The following FAM171B variants were observed in gnomAD, a reference collection of about 807,000 sequenced individuals.
The protein encoded by FAM171B is protein FAM171B.
Under a neutral mutation model 75.6 loss-of-function variants are expected in FAM171B, and 19 were observed. The ratio of observed to expected loss-of-function variants is 0.25; its 90% CI spans 0.18 to 0.37. FAM171B has a LOEUF of 0.37. Among genes scored for constraint, FAM171B ranks in the 10% least tolerant of loss-of-function variants. FAM171B has a pLI of 1.00. For missense variants in FAM171B, 848 were observed against 982.4 expected, an observed-to-expected ratio of 0.86 and a Z score of 1.83; for synonymous variants, 367 against 361.7, an observed-to-expected ratio of 1.01 and a Z score of -0.17.
chr2:186,694,790 C>CACAT (rs1689555996), intron 1 of FAM171B, among the ~76,000 whole-genome samples: 1 of 137,470 alleles, frequency 7.3e-6, no homozygotes, highest in Non-Finnish European at 1.6e-5. Flanking sequence ...CACACACACA[C>CACAT]ACACCGTTCT....
Position 186,747,244 on chromosome 2 carries a change from A to G in FAM171B, c.718A>G (p.Lys240Glu), listed in dbSNP as rs779053866. 1 of 1,582,684 alleles carries G rather than the reference A, an allele frequency of 6.3e-7. No homozygotes were observed. The highest frequency in any genetic ancestry group is 8.6e-7 in the Non-Finnish European group (1 of 1,168,972). ...GCATACAACTGGAATTACTCTCAAT[A>G]AACCAGGTATTATCTACTTTTTGTA... is the stretch of plus-strand genomic sequence containing the variant. ...FLHTTGITLN[K>E]PGFENIELTP... Residue 240 changes from lysine (K) to glutamate (E), a missense_variant, in exon 4 of 8, where the codon AAA becomes GAA. Physicochemically the swap from Lys to Glu is moderately conservative, Grantham distance 56. This residue lies in a region of FAM171B where 665 missense variants were observed against 729.0 expected (regional missense o/e 0.91). Transcript: ENST00000304698.
intron 1 of FAM171B, among the ~76,000 whole-genome samples, chr2:186,714,280 A>AT (rs1203016814): frequency 1.3e-5 from 2 of 152,160 alleles, no homozygotes; most frequent in African/African-American, 2.4e-5. Context: ...GTTCTGTGAA[A>AT]TTTGAGGCTG....
At chr2:186,736,554 G>GTA (rs1483690389) in intron 1 of FAM171B, among the ~76,000 whole-genome samples, 1 of 125,070 alleles carries the variant, frequency 8.0e-6, no homozygotes, top group African/African-American at 2.9e-5. Context: ...GTGTGTGTGT[G>GTA]TGTGTGTGTG....
At chr2:186,706,209 T>C (rs1689730987) in intron 1 of FAM171B, among the ~76,000 whole-genome samples, 1 of 152,122 alleles carries the variant, frequency 6.6e-6, no homozygotes, top group Non-Finnish European at 1.5e-5. Context: ...CCTTTTCCTC[T>C]CTCCTGAGAT....
chr2:186,761,310 G>A, intron 7 of FAM171B, 74 bp downstream of exon 7: 1 of 1,530,306 alleles, frequency 6.5e-7, no homozygotes, highest in Non-Finnish European at 8.8e-7. Flanking sequence ...ACATTGAAAA[G>A]TTTATTTGTA....
In FAM171B at chr2:186,747,240, C is replaced by A; in HGVS notation, c.714C>A (p.Leu238=). 1.3e-6 allele frequency: 2 copies of A among 1,583,124 alleles called. No individual in the cohort carries two copies. Among genetic ancestry groups the A allele is most frequent in the Non-Finnish European group, 1.7e-6 (2 of 1,168,904 alleles). Residue 238 remains leucine (L), a synonymous_variant, in exon 4 of 8, where the codon CTC becomes CTA. Coordinates refer to ENST00000304698, the MANE Select transcript of FAM171B (RefSeq NM_177454.4). ...DNFLHTTGIT[L]NKPGFENIEL... is the part of the protein sequence containing the mutation. ...TTCTGCATACAACTGGAATTACTCT[C>A]AATAAACCAGGTATTATCTACTTTT...
rs781503631 is a variant in FAM171B at position 186,694,278 on chromosome 2, C to T, written c.105C>T (p.Ser35=). 21 of 1,612,068 alleles carry T rather than the reference C, an allele frequency of 1.3e-5. No individual in the cohort carries two copies. Among genetic ancestry groups the T allele is most frequent in the Non-Finnish European group, 1.6e-5 (19 of 1,179,578 alleles). Residue 35 remains serine, a synonymous_variant, in exon 1 of 8, where the codon AGC becomes AGT. Transcript: ENST00000304698. ...CCGCGGCCGCCAGAGCGGAACTCAG[C>T]CGCTCCGACCTCAGCCTCATCCAAC... ...LVPAAARAEL[S]RSDLSLIQQQ... is the part of the protein sequence containing the mutation.
Position 186,694,204 on chromosome 2 carries a change from A to T in FAM171B, c.31A>T (p.Thr11Ser), listed in dbSNP as rs1442785702. 1.9e-6 allele frequency: 3 copies of T among 1,606,644 alleles called. No individual in the cohort carries two copies. The highest frequency in any genetic ancestry group is 2.5e-6 in the Non-Finnish European group (3 of 1,179,624). ...GAGGCTCTGCCGGCGTGTCCCCTGC[A>T]CCCTGCTTCTCGGCCTGGCCGTGGT... MARLCRRVPC[T>S]LLLGLAVVLL... is the part of the protein sequence containing the mutation. The change falls in exon 1 of 8, where the codon ACC becomes TCC. Residue 11 changes from threonine (T) to serine (S), a missense_variant. Transcript: ENST00000304698.
intron 1 of FAM171B, among the ~76,000 whole-genome samples, chr2:186,710,592 G>A (rs74933134): frequency 0.02 from 3,024 of 152,024 alleles, 105 homozygotes; most frequent in African/African-American, 0.069. Flanking sequence ...CCCCAACACC[G>A]TCTGTTTGGA....
At chr2:186,701,912 G>A (rs372501893) in intron 1 of FAM171B, among the ~76,000 whole-genome samples, 3 of 152,288 alleles carry the variant, frequency 2.0e-5, no homozygotes, top group East Asian at 3.9e-4. Flanking sequence ...CTCTGGTATT[G>A]TTGTCATTCA....
In FAM171B at chr2:186,694,386, G is replaced by T. The variant is rs781624226; in HGVS notation, c.213G>T (p.Gly71=). The T allele has an allele frequency of 4.3e-6, 7 of 1,612,484 alleles. No homozygotes were observed. In the South Asian group the frequency reaches 7.7e-5, roughly 18 times the overall value. Residue 71 remains glycine (G), a synonymous_variant, in exon 1 of 8, where the codon GGG becomes GGT. Transcript: ENST00000304698. ...EAEEERTEVP[G]ATSTLTVPVS... is the part of the protein sequence containing the mutation. ...AGGAGGAGAGGACAGAGGTGCCTGG[G>T]GCAACCTCCACCTTGACGGTTCCAG... is the stretch of plus-strand genomic sequence containing the variant.
At chr2:186,695,390 G>A (rs1047326232) in intron 1 of FAM171B, 2 of 152,084 alleles carry the variant, frequency 1.3e-5, no homozygotes, top group East Asian at 1.9e-4. Flanking sequence ...AAGAAAAAAA[G>A]CCTCCAATTT....
At position 186,761,972 on chromosome 2, in the gene FAM171B, A is replaced by G; in HGVS notation, c.1630A>G (p.Thr544Ala). The G allele has an allele frequency of 6.2e-7, 1 of 1,613,512 alleles. No homozygotes were observed. The highest frequency in any genetic ancestry group is 1.1e-5 in the South Asian group (1 of 91,072). The change falls in exon 8 of 8, where the codon ACA (threonine) becomes GCA (alanine). Residue 544 changes from threonine (T) to alanine (A), a missense_variant. Physicochemically the swap from Thr to Ala is moderately conservative, Grantham distance 58. Coordinates refer to ENST00000304698, the MANE Select transcript of FAM171B (RefSeq NM_177454.4). Reference sequence around the variant, plus strand: ...CAGCCAACCCATTGCCATCCTTCAAACATCTGACCTTTTCTCCACACCGGA... The same window carrying G: ...CAGCCAACCCATTGCCATCCTTCAAGCATCTGACCTTTTCTCCACACCGGA... ...IYSQPIAILQ[T>A]SDLFSTPEQL... is the part of the protein sequence containing the mutation.
chr2:186,756,720 G>A (rs973583311), intron 6 of FAM171B, among the ~76,000 whole-genome samples: 9 of 152,088 alleles, frequency 5.9e-5, no homozygotes, highest in Admixed American at 2.0e-4. Flanking sequence ...CTCAGGTTAA[G>A]GGTTTAATCC....
intron 1 of FAM171B, among the ~76,000 whole-genome samples, chr2:186,732,086 G>C (rs1690124513): frequency 6.6e-6 from 1 of 152,052 alleles, no homozygotes; most frequent in Admixed American, 6.6e-5. Flanking sequence ...CCCCTAATGT[G>C]GTCCATGAAA....
At chr2:186,743,677 A>G (rs1574109332) in intron 3 of FAM171B, 102 bp downstream of exon 3, 1 of 813,118 alleles carries the variant, frequency 1.2e-6, no homozygotes, top group East Asian at 2.5e-5. Flanking sequence ...AGAAAAATCT[A>G]AATTGATCAG....
chr2:186,740,545 G>A, intron 2 of FAM171B, 84 bp downstream of exon 2: 1 of 1,189,012 alleles, frequency 8.4e-7, no homozygotes, highest in Non-Finnish European at 1.2e-6. Flanking sequence ...ATCTTGTTCT[G>A]GTAAGCTGAA....
intron 1 of FAM171B, among the ~76,000 whole-genome samples, chr2:186,703,076 T>TACACACAC (rs35043744): frequency 1.3e-3 from 193 of 145,566 alleles, no homozygotes; most frequent in African/African-American, 4.1e-3. Flanking sequence ...TATATATATA[T>TACACACAC]ACACACACAC....
At chr2:186,739,723 AC>A (rs1690259836) in intron 1 of FAM171B, among the ~76,000 whole-genome samples, 1 of 152,162 alleles carries the variant, frequency 6.6e-6, no homozygotes, top group Non-Finnish European at 1.5e-5. Flanking sequence ...TTTACAATTA[AC>A]TTTTATTTTT....
Sources: gnomAD v4.1 joint callset for allele counts (sites outside exome capture counted in the v4.1 genomes callset) on GRCh38, gnomAD v4.1.1 for gene constraint, gnomAD v4.1.1 regional missense constraint, MANE v1.5 for transcripts, NCBI Gene and HGNC (gene_info 2026-07-23, HGNC 2026-07-21) for gene names.